Variants in CHST9 observed in about 807,000 individuals in gnomAD.
CHST9 encodes GalNAc-4-sulfotransferase 2.
In CHST9, 41 loss-of-function variants were observed where a neutral mutation model predicts 44.4. The ratio of observed to expected loss-of-function variants is 0.92; its 90% confidence interval spans 0.72 to 1.20. CHST9 has a LOEUF of 1.20. CHST9 is among the 50% of genes most tolerant of loss of function. CHST9 has a pLI of 0.00. For synonymous variants in CHST9, 171 were observed against 178.4 expected, an observed-to-expected ratio of 0.96 and a Z score of 0.33; for missense variants, 504 against 516.5, an observed-to-expected ratio of 0.98 and a Z score of 0.23.
At chr18:27,166,462 G>T (rs1296852696) in intron 1 of CHST9, among the ~76,000 whole-genome samples, 1 of 151,976 alleles carries the variant, frequency 6.6e-6, no homozygotes, top group Non-Finnish European at 1.5e-5. Flanking sequence ...TTCTTTTTAA[G>T]ATCCTTCACC....
intron 5 of CHST9, among the ~76,000 whole-genome samples, chr18:26,918,625 G>A (rs1013098303): frequency 6.6e-5 from 10 of 151,944 alleles, no homozygotes; most frequent in African/African-American, 2.4e-4. Flanking sequence ...AATATTTGTG[G>A]AATGAACAAG....
chr18:26,929,700 C>A (rs552849166), intron 5 of CHST9, among the ~76,000 whole-genome samples: 149 of 152,192 alleles, frequency 9.8e-4, no homozygotes, highest in African/African-American at 3.4e-3. Flanking sequence ...GTCCATCTCC[C>A]TTTTGGGCTG....
At chr18:26,980,087 G>A (rs927662121) in intron 4 of CHST9, among the ~76,000 whole-genome samples, 2 of 152,018 alleles carry the variant, frequency 1.3e-5, no homozygotes, top group Non-Finnish European at 2.9e-5. Context: ...AAGACAGGAT[G>A]GATACTCTTT....
intron 2 of CHST9, among the ~76,000 whole-genome samples, chr18:27,068,298 T>C (rs1323708273): frequency 6.6e-6 from 1 of 152,164 alleles, no homozygotes; most frequent in Admixed American, 6.5e-5. Context: ...TGACTTTACA[T>C]TTTCCTTAAG....
intron 2 of CHST9, among the ~76,000 whole-genome samples, chr18:27,120,671 T>C (rs1393467217): frequency 1.3e-5 from 2 of 152,234 alleles, no homozygotes; most frequent in Non-Finnish European, 2.9e-5. Flanking sequence ...GGGCAAATTA[T>C]TTATTTTCTC....
chr18:27,007,272 C>T (rs2057027969), intron 4 of CHST9, among the ~76,000 whole-genome samples: 1 of 152,054 alleles, frequency 6.6e-6, no homozygotes, highest in Non-Finnish European at 1.5e-5. Context: ...ACAGACAGCA[C>T]AATATATGTT....
chr18:26,908,479 A>T lies in CHST9; in HGVS notation c.*7780T>A, dbSNP rs904962372. ...AATATTCATTAAAAGGATACCAAAA[A>T]ATGATAAGGTGATAAAATTTTATGT... On this transcript the variant is annotated 3_prime_UTR_variant, in exon 6 of 6. Coordinates refer to ENST00000618847, the MANE Select transcript of CHST9 (RefSeq NM_031422.6). The T allele has an allele frequency of 6.6e-6, 1 of 152,186 alleles. No homozygotes were observed. The highest frequency in any genetic ancestry group is 6.6e-5 in the Admixed American group (1 of 15,266). The allele number at this position is 152,186 out of a possible 1,614,324, so 9.4% of individuals were successfully genotyped here.
rs575820758 is a variant in CHST9 at position 26,913,326 on chromosome 18, G to C, written c.*2933C>G. 1 of 152,270 alleles carries C rather than the reference G, an allele frequency of 6.6e-6. No individual in the cohort carries two copies. Among genetic ancestry groups the C allele is most frequent in the South Asian group, 2.1e-4 (1 of 4,814 alleles). The allele number at this position is 152,270 out of a possible 1,614,324, so 9.4% of individuals were successfully genotyped here. Reference sequence around the variant, plus strand: ...AGAATGTTTTATAGACATCTAGCAAGTGGCATCACATTTCCATTGAATTAA... The same window carrying C: ...AGAATGTTTTATAGACATCTAGCAACTGGCATCACATTTCCATTGAATTAA... On this transcript the variant is annotated 3_prime_UTR_variant, in exon 6 of 6. Transcript: ENST00000618847.
At chr18:27,037,625 C>G (rs2057403233) in intron 3 of CHST9, among the ~76,000 whole-genome samples, 2 of 152,208 alleles carry the variant, frequency 1.3e-5, no homozygotes, top group Non-Finnish European at 2.9e-5. Context: ...CCCAAGAGGT[C>G]TAAGCTGCAG....
chr18:27,039,622 C>T (rs2057424175), intron 3 of CHST9, among the ~76,000 whole-genome samples: 1 of 151,972 alleles, frequency 6.6e-6, no homozygotes, highest in Non-Finnish European at 1.5e-5. Flanking sequence ...CTTAATGCCA[C>T]TGAACATTTT....
chr18:27,029,802 G>A (rs1049389934), intron 3 of CHST9, among the ~76,000 whole-genome samples: 3 of 152,220 alleles, frequency 2.0e-5, no homozygotes, highest in Middle Eastern at 3.4e-3. Context: ...TTAAATCCAC[G>A]TATGATGGTA....
chr18:27,114,656 T>C (rs936496060), intron 2 of CHST9, among the ~76,000 whole-genome samples: 1 of 152,208 alleles, frequency 6.6e-6, no homozygotes, highest in South Asian at 2.1e-4. Flanking sequence ...ACTTTCTGTC[T>C]CTATGGGTTT....
chr18:27,142,213 T>C (rs1003330299), intron 2 of CHST9, among the ~76,000 whole-genome samples: 2 of 152,218 alleles, frequency 1.3e-5, no homozygotes, highest in African/African-American at 4.8e-5. Context: ...AAAACATTTA[T>C]GATCTAGTCC....
chr18:26,936,297 A>G (rs1430829225), intron 5 of CHST9: 1 of 152,170 alleles, frequency 6.6e-6, no homozygotes, highest in East Asian at 1.9e-4. Flanking sequence ...TCAAGTTTTC[A>G]TTTGAGTCCT....
At chr18:27,092,829 T>C (rs1350544521) in intron 2 of CHST9, among the ~76,000 whole-genome samples, 1 of 152,130 alleles carries the variant, frequency 6.6e-6, no homozygotes, top group African/African-American at 2.4e-5. Context: ...ATAATTTCTA[T>C]TTTTTTACAT....
chr18:27,073,290 G>C (rs78654431), intron 2 of CHST9, among the ~76,000 whole-genome samples: 14,411 of 151,694 alleles, frequency 0.095, 868 homozygotes, highest in Middle Eastern at 0.19. Context: ...TGGAATGCTG[G>C]CCTGGCTGAG....
In CHST9 at chr18:26,912,855, G is replaced by A. The variant is rs1683457; in HGVS notation, c.*3404C>T. The A allele has an allele frequency of 4.6e-5, 7 of 152,166 alleles. No individual in the cohort carries two copies. In the East Asian group the frequency reaches 1.2e-3, roughly 25 times the overall value. The allele number at this position is 152,166 out of a possible 1,614,324, so 9.4% of individuals were successfully genotyped here. ...CTAAATGTAGGACTAAATTGAATTA[G>A]CCTTGGCCTAAGGTTCTCAGGTAGT... On this transcript the variant is annotated 3_prime_UTR_variant, in exon 6 of 6. Coordinates refer to ENST00000618847, the MANE Select transcript of CHST9 (RefSeq NM_031422.6).
intron 4 of CHST9, among the ~76,000 whole-genome samples, chr18:26,957,695 T>C (rs564127097): frequency 2.1e-4 from 32 of 152,300 alleles, no homozygotes; most frequent in Middle Eastern, 3.4e-3. Context: ...GAGTTGTAGT[T>C]ACCTATTTTG....
At position 27,148,828 on chromosome 18, in the gene CHST9, G is replaced by A. The variant is rs1027823213; in HGVS notation, c.-96-5923C>T. Among the ~76,000 whole-genome samples, 8 of 138,248 alleles carry A rather than the reference G, an allele frequency of 5.8e-5. 1 individual carries two copies. The highest frequency in any genetic ancestry group is 1.8e-4 in the African/African-American group (7 of 38,204). The allele number at this position is 138,248 out of a possible 152,430, so 90.7% of individuals were successfully genotyped here. On this transcript the variant is annotated intron_variant, in intron 1 of 5. Transcript: ENST00000618847. The stretch of plus-strand genomic sequence containing the variant: ...TCTAGTTCTAGATCCCTGAGGAATC[G>A]CCACACTGACTTCCACAATGGTTGA...
Sources: gnomAD v4.1 joint callset for allele counts (sites outside exome capture counted in the v4.1 genomes callset) on GRCh38, gnomAD v4.1.1 for gene constraint, MANE v1.5 for transcripts, NCBI Gene and HGNC (gene_info 2026-07-23, HGNC 2026-07-21) for gene names.